ENTREP2: variants seen among roughly 807,000 people sequenced by gnomAD.
ENTREP2 encodes endosomal transmembrane epsin interactor 2, also known as protein ENTREP2.
the ENTREP2 span, among the ~76,000 whole-genome samples, chr15:29,241,275 A>AT: frequency 6.6e-6 from 1 of 152,284 alleles, no homozygotes; most frequent in East Asian, 1.9e-4. Context: ...TCAAAGATGA[A>AT]GCAGCCCCCT....
At chr15:29,399,210 A>T in the ENTREP2 span, among the ~76,000 whole-genome samples, 1 of 152,162 alleles carries the variant, frequency 6.6e-6, no homozygotes, top group Non-Finnish European at 1.5e-5. Flanking sequence ...AAGCTTTTGG[A>T]TGAAGATGCT....
the ENTREP2 span, among the ~76,000 whole-genome samples, chr15:29,206,866 T>G: frequency 1.3e-5 from 2 of 152,180 alleles, no homozygotes; most frequent in African/African-American, 2.4e-5. Context: ...CTCATTTAGT[T>G]TGGTTTTAAT....
At chr15:29,329,085 G>T in the ENTREP2 span, among the ~76,000 whole-genome samples, 7 of 152,150 alleles carry the variant, frequency 4.6e-5, no homozygotes, top group African/African-American at 7.2e-5. Context: ...CAACTAGGCT[G>T]GGCGCAGTGG....
chr15:29,221,608 T>G, the ENTREP2 span, among the ~76,000 whole-genome samples: 1 of 152,110 alleles, frequency 6.6e-6, no homozygotes, highest in Admixed American at 6.5e-5. Context: ...ACGAGAGACA[T>G]GGAATAAGTT....
chr15:29,386,004 C>T, the ENTREP2 span, among the ~76,000 whole-genome samples: 9 of 152,204 alleles, frequency 5.9e-5, no homozygotes, highest in East Asian at 1.7e-3. Flanking sequence ...GAGAGTCCAG[C>T]CACTGGCCGG....
the ENTREP2 span, among the ~76,000 whole-genome samples, chr15:29,572,588 C>T: frequency 3.3e-5 from 5 of 150,166 alleles, no homozygotes; most frequent in Admixed American, 6.7e-5. Flanking sequence ...GTGAACAAAA[C>T]AGACAAAAAT....
the ENTREP2 span, among the ~76,000 whole-genome samples, chr15:29,640,561 A>G: frequency 2.0e-5 from 3 of 152,142 alleles, no homozygotes; most frequent in East Asian, 5.8e-4. Flanking sequence ...ACTCTGGGAG[A>G]TGGAGGTGGA....
chr15:29,432,627 C>G, the ENTREP2 span, among the ~76,000 whole-genome samples: 2 of 152,208 alleles, frequency 1.3e-5, 1 homozygote. Flanking sequence ...CCGGCTGCAG[C>G]TGGTGACTCA....
chr15:29,144,504 G>A, the ENTREP2 span, among the ~76,000 whole-genome samples: 1 of 152,136 alleles, frequency 6.6e-6, no homozygotes, highest in African/African-American at 2.4e-5. Context: ...CAAGGAGAGA[G>A]GGTCACTTGA....
chr15:29,202,338 T>G, the ENTREP2 span, among the ~76,000 whole-genome samples: 2 of 152,278 alleles, frequency 1.3e-5, no homozygotes, highest in East Asian at 3.9e-4. Context: ...ATCTAGTTTC[T>G]TTTTTTAATT....
chr15:29,635,478 G>C, the ENTREP2 span, among the ~76,000 whole-genome samples: 2 of 152,274 alleles, frequency 1.3e-5, no homozygotes, highest in South Asian at 4.2e-4. Context: ...CTGTAGGGCG[G>C]GATGTGCACC....
At chr15:29,252,245 C>A in the ENTREP2 span, 4 of 541,742 alleles carry the variant, frequency 7.4e-6, no homozygotes, top group South Asian at 3.8e-5. Context: ...AACTAGAAAA[C>A]ATCAGAATGA....
chr15:29,347,168 C>A, the ENTREP2 span, among the ~76,000 whole-genome samples: 9,589 of 146,518 alleles, frequency 0.065, 530 homozygotes, highest in African/African-American at 0.15. Context: ...TGTATGGTTT[C>A]TTTTCCTTTC....
chr15:29,444,467 C>CT, the ENTREP2 span, among the ~76,000 whole-genome samples: 1 of 115,766 alleles, frequency 8.6e-6, no homozygotes, highest in East Asian at 2.8e-4. Context: ...TCTTTTTTTT[C>CT]TTTTTTTCTT....
At chr15:29,528,339 CA>C in the ENTREP2 span, among the ~76,000 whole-genome samples, 1,949 of 108,946 alleles carry the variant, frequency 0.018, 31 homozygotes, top group African/African-American at 0.055. Context: ...AAAGGCTGAC[CA>C]AAAAAAAAAA....
chr15:29,640,016 G>A, the ENTREP2 span, among the ~76,000 whole-genome samples: 9 of 152,090 alleles, frequency 5.9e-5, no homozygotes, highest in South Asian at 4.2e-4. Flanking sequence ...CAGTCTGCCC[G>A]CCTTGGCCTC....
chr15:29,214,149 G>C, the ENTREP2 span, among the ~76,000 whole-genome samples: 2 of 152,288 alleles, frequency 1.3e-5, no homozygotes, highest in Admixed American at 1.3e-4. Flanking sequence ...CAAGGATCTA[G>C]AACTAGAAAT....
At chr15:29,617,192 T>C in the ENTREP2 span, among the ~76,000 whole-genome samples, 1 of 152,196 alleles carries the variant, frequency 6.6e-6, no homozygotes, top group Non-Finnish European at 1.5e-5. Context: ...AGGGGTGTAC[T>C]GCAGCCTGAG....
chr15:29,526,255 T>A, the ENTREP2 span, among the ~76,000 whole-genome samples: 50 of 152,006 alleles, frequency 3.3e-4, no homozygotes, highest in East Asian at 7.6e-3. Flanking sequence ...AAAGAAAAAA[T>A]AGGATCACAA....
Sources: gnomAD v4.1 joint callset for allele counts (sites outside exome capture counted in the v4.1 genomes callset) on GRCh38, gnomAD v4.1.1 for gene constraint, MANE v1.5 for transcripts, NCBI Gene and HGNC (gene_info 2026-07-23, HGNC 2026-07-21) for gene names.